Variants in MGAT5 observed in about 807,000 individuals in gnomAD.
The protein encoded by MGAT5 is alpha-1,6-mannosylglycoprotein 6-beta-N-acetylglucosaminyltransferase, also known as alpha-1,6-mannosylglycoprotein 6-beta-N-acetylglucosaminyltransferase A.
In MGAT5, 30 loss-of-function variants were observed where a neutral mutation model predicts 94.3. The observed-to-expected ratio is 0.32, with a 90% confidence interval of 0.24 to 0.43. MGAT5 has a LOEUF of 0.43. Ranked by LOEUF, MGAT5 falls within the 20% of genes least tolerant of loss-of-function variation. The pLI is 1.00. For synonymous variants in MGAT5, 310 were observed against 322.9 expected, an observed-to-expected ratio of 0.96 and a Z score of 0.43; for missense variants, 691 against 905.5, an observed-to-expected ratio of 0.76 and a Z score of 3.04.
At chr2:134,202,165 C>T (rs1245888008) in intron 1 of MGAT5, among the ~76,000 whole-genome samples, 1 of 152,156 alleles carries the variant, frequency 6.6e-6, no homozygotes, top group African/African-American at 2.4e-5. Context: ...TTTTCTTGTT[C>T]AGCTTCTCTG....
chr2:134,357,525 T>C (rs1679821919), intron 9 of MGAT5, among the ~76,000 whole-genome samples: 4 of 152,248 alleles, frequency 2.6e-5, no homozygotes, highest in Admixed American at 1.3e-4. Flanking sequence ...TTAACTTCCA[T>C]GTACAATTTT....
intron 1 of MGAT5, among the ~76,000 whole-genome samples, chr2:134,140,305 G>A (rs1014579891): frequency 2.0e-5 from 3 of 152,258 alleles, no homozygotes; most frequent in Non-Finnish European, 4.4e-5. Context: ...CCGTTCCACC[G>A]TGGGAAAGGA....
At chr2:134,334,486 C>T in intron 4 of MGAT5, among the ~76,000 whole-genome samples, 1 of 120,184 alleles carries the variant, frequency 8.3e-6, no homozygotes, top group Non-Finnish European at 1.6e-5. Context: ...CTCTACTTTC[C>T]TTGCTCATCC....
At chr2:134,411,982 C>G (rs1052233985) in intron 11 of MGAT5, among the ~76,000 whole-genome samples, 3 of 152,156 alleles carry the variant, frequency 2.0e-5, no homozygotes, top group Admixed American at 2.0e-4. Context: ...AGACCTGGAC[C>G]CTGCCCATCA....
At chr2:134,242,945 G>A (rs1183912943) in intron 1 of MGAT5, among the ~76,000 whole-genome samples, 1 of 151,862 alleles carries the variant, frequency 6.6e-6, no homozygotes, top group Admixed American at 6.6e-5. Flanking sequence ...CAGGGCATTG[G>A]CCTAAGACCA....
intron 14 of MGAT5, among the ~76,000 whole-genome samples, chr2:134,439,044 G>A (rs1343691716): frequency 6.6e-6 from 1 of 152,114 alleles, no homozygotes; most frequent in Non-Finnish European, 1.5e-5. Context: ...ATGAGTGGAG[G>A]GCAACAGTGG....
chr2:134,262,623 C>A (rs1447362000), intron 1 of MGAT5, among the ~76,000 whole-genome samples: 3 of 151,884 alleles, frequency 2.0e-5, no homozygotes, highest in Non-Finnish European at 4.4e-5. Context: ...TGGCCTCAAG[C>A]GATCCTCCCA....
chr2:134,289,396 A>T (rs1685208822), intron 2 of MGAT5, among the ~76,000 whole-genome samples: 1 of 152,168 alleles, frequency 6.6e-6, no homozygotes. Flanking sequence ...CCGGGCACAA[A>T]GCCATCAGCC....
chr2:134,317,445 C>T (rs1687057277), intron 2 of MGAT5, 84 bp from the exon 3 acceptor site: 10 of 1,017,112 alleles, frequency 9.8e-6, no homozygotes, highest in Admixed American at 5.8e-5. Context: ...TTTGGTTTCT[C>T]TCCCTACCTC....
chr2:134,310,187 A>G (rs188470804), intron 2 of MGAT5, among the ~76,000 whole-genome samples: 13 of 152,290 alleles, frequency 8.5e-5, no homozygotes, highest in South Asian at 4.1e-4. Flanking sequence ...GTGCTTCTTC[A>G]AGAGGGAATA....
intron 10 of MGAT5, among the ~76,000 whole-genome samples, chr2:134,397,081 G>A (rs561217349): frequency 1.3e-5 from 2 of 152,242 alleles, no homozygotes; most frequent in Admixed American, 6.5e-5. Flanking sequence ...AGAGGGAATA[G>A]TTGGAGTTAA....
chr2:134,198,803 T>C lies in MGAT5; in HGVS notation c.-142-55459T>C, dbSNP rs534813590. Among the ~76,000 whole-genome samples, 16 of 152,346 alleles carry C rather than the reference T, an allele frequency of 1.1e-4. No homozygotes were observed. The South Asian group carries it at 2.9e-3, about 28-fold the overall frequency. On this transcript the variant is annotated intron_variant, in intron 1 of 16. Coordinates refer to the MGAT5 transcript ENST00000409645. ...TTTGCATTCTTCATCTTACTACTTA[T>C]AACTTTTGGTAACTGCATCATGTTT...
chr2:134,267,063 A>G (rs1163716722), intron 1 of MGAT5, among the ~76,000 whole-genome samples: 1 of 152,222 alleles, frequency 6.6e-6, no homozygotes, highest in African/African-American at 2.4e-5. Flanking sequence ...ACCACAGGAC[A>G]GGGACATGAG....
At chr2:134,120,970 G>T (rs984334326) in intron 1 of MGAT5, among the ~76,000 whole-genome samples, 3 of 152,060 alleles carry the variant, frequency 2.0e-5, no homozygotes, top group Non-Finnish European at 2.9e-5. Flanking sequence ...GCTGCAGGGA[G>T]CGCAGAGCCC....
chr2:134,286,919 A>G (rs1269234241), intron 2 of MGAT5, among the ~76,000 whole-genome samples: 1 of 152,180 alleles, frequency 6.6e-6, no homozygotes, highest in African/African-American at 2.4e-5. Flanking sequence ...GGCCTTCTGG[A>G]AGCTGGTGGG....
intron 1 of MGAT5, among the ~76,000 whole-genome samples, chr2:134,170,021 A>G (rs1323847912): frequency 6.6e-6 from 1 of 152,204 alleles, no homozygotes; most frequent in Admixed American, 6.5e-5. Context: ...CCACCCATGG[A>G]CAGTACTCAT....
intron 12 of MGAT5, among the ~76,000 whole-genome samples, chr2:134,416,578 A>G (rs1683984930): frequency 6.7e-6 from 1 of 149,782 alleles, no homozygotes; most frequent in East Asian, 2.0e-4. Context: ...CTCTAGTGAT[A>G]TTTCTTCCTC....
chr2:134,314,126 A>G (rs1366179334), intron 2 of MGAT5, among the ~76,000 whole-genome samples: 1 of 152,204 alleles, frequency 6.6e-6, no homozygotes, highest in East Asian at 1.9e-4. Flanking sequence ...ATTCCCGGTC[A>G]GGTTTGGGAG....
chr2:134,302,552 C>T (rs1425302062), intron 2 of MGAT5, among the ~76,000 whole-genome samples: 1 of 152,122 alleles, frequency 6.6e-6, no homozygotes, highest in Non-Finnish European at 1.5e-5. Context: ...TCCCTTTCAA[C>T]CTAGAGCTTC....
Sources: gnomAD v4.1 joint callset for allele counts (sites outside exome capture counted in the v4.1 genomes callset) on GRCh38, gnomAD v4.1.1 for gene constraint, MANE v1.5 for transcripts, NCBI Gene and HGNC (gene_info 2026-07-23, HGNC 2026-07-21) for gene names.